The following MED12L variants were observed in gnomAD, a reference collection of about 807,000 sequenced individuals.
MED12L encodes mediator complex subunit 12L.
A neutral mutation model predicts 281.3 loss-of-function variants in MED12L; 60 were observed. The observed-to-expected ratio is 0.21, with a 90% CI of 0.17 to 0.26. The LOEUF is 0.26. Ranked by LOEUF, MED12L falls within the 10% of genes least tolerant of loss-of-function variation. The pLI is 1.00. For missense variants in MED12L, 2,146 were observed against 2,680.9 expected, an observed-to-expected ratio of 0.80 and a Z score of 4.41; for synonymous variants, 974 against 987.2, an observed-to-expected ratio of 0.99 and a Z score of 0.25.
intron 16 of MED12L, among the ~76,000 whole-genome samples, chr3:151,258,140 T>C (rs1446382825): frequency 6.6e-6 from 1 of 152,144 alleles, no homozygotes; most frequent in East Asian, 1.9e-4. Context: ...TGGGATTCAT[T>C]TTCTTCCACA....
At chr3:151,416,444 T>A (rs1439476409) in intron 43 of MED12L, 22 bp downstream of exon 43, 1 of 1,611,710 alleles carries the variant, frequency 6.2e-7, no homozygotes, top group Admixed American at 1.7e-5. Flanking sequence ...TGTTTTGGAA[T>A]CAGACATGTG....
intron 16 of MED12L, among the ~76,000 whole-genome samples, chr3:151,304,714 T>A (rs1560006493): frequency 1.3e-5 from 2 of 152,166 alleles, no homozygotes. Flanking sequence ...CTCTGTTGGT[T>A]TTAGCTTCTA....
intron 16 of MED12L, among the ~76,000 whole-genome samples, chr3:151,287,567 T>A (rs1247027813): frequency 3.3e-5 from 5 of 152,198 alleles, no homozygotes; most frequent in Admixed American, 1.3e-4. Flanking sequence ...ATTGCAGTCC[T>A]GGTGACAGCA....
At chr3:151,138,859 T>C (rs1305299951) in intron 5 of MED12L, among the ~76,000 whole-genome samples, 1 of 152,170 alleles carries the variant, frequency 6.6e-6, no homozygotes, top group Non-Finnish European at 1.5e-5. Context: ...CACACTTTAC[T>C]CTTTGGAAGG....
intron 11 of MED12L, among the ~76,000 whole-genome samples, chr3:151,167,727 C>T (rs1183724093): frequency 6.6e-6 from 1 of 152,170 alleles, no homozygotes; most frequent in Non-Finnish European, 1.5e-5. Context: ...TAATCCTCTG[C>T]TTACTGAGGC....
intron 11 of MED12L, among the ~76,000 whole-genome samples, chr3:151,167,175 C>T (rs1230745170): frequency 6.6e-6 from 1 of 152,178 alleles, no homozygotes; most frequent in African/African-American, 2.4e-5. Context: ...TTGATAATCA[C>T]AGATAATTTT....
At chr3:151,137,172 GA>G (rs776196596) in intron 5 of MED12L, among the ~76,000 whole-genome samples, 3,716 of 125,670 alleles carry the variant, frequency 0.03, 108 homozygotes, top group East Asian at 0.18. Flanking sequence ...AAAAAAAAAA[GA>G]AAAAAAAAAA....
At chr3:151,389,338 T>C (rs1713876056) in intron 37 of MED12L, among the ~76,000 whole-genome samples, 1 of 152,206 alleles carries the variant, frequency 6.6e-6, no homozygotes, top group Non-Finnish European at 1.5e-5. Flanking sequence ...CAATGAGATA[T>C]GCTCTTCAGT....
intron 16 of MED12L, among the ~76,000 whole-genome samples, chr3:151,281,753 G>GC (rs1179909511): frequency 2.0e-5 from 3 of 151,964 alleles, no homozygotes; most frequent in Admixed American, 2.0e-4. Context: ...ACCACCCCTA[G>GC]CCCACCCCAC....
In MED12L at chr3:151,106,471, G is replaced by A. The variant is rs186485246; in HGVS notation, c.100-9867G>A. On this transcript the variant is annotated intron_variant, in intron 2 of 44. Transcript: ENST00000687756. The stretch of plus-strand genomic sequence containing the variant: ...TTACAGGCATGAGCCACCATGCCCC[G>A]CCTGATGTCACCTTCTTGCTTAAAA... Among the ~76,000 whole-genome samples the A allele has an allele frequency of 4.7e-4, 72 of 151,788 alleles. No homozygotes were observed. In the East Asian group the frequency reaches 5.6e-3, roughly 12 times the overall value.
chr3:151,236,534 C>T (rs1261211356), intron 16 of MED12L, among the ~76,000 whole-genome samples: 1 of 152,158 alleles, frequency 6.6e-6, no homozygotes, highest in Non-Finnish European at 1.5e-5. Flanking sequence ...TAAGCAGCTG[C>T]TCTTGTCTAA....
At chr3:151,341,809 T>G (rs995984316) in intron 16 of MED12L, among the ~76,000 whole-genome samples, 4 of 149,696 alleles carry the variant, frequency 2.7e-5, no homozygotes, top group Admixed American at 6.7e-5. Flanking sequence ...TTCCCACCTA[T>G]GAGTGAGAAT....
intron 43 of MED12L, among the ~76,000 whole-genome samples, chr3:151,417,511 C>G (rs1250842496): frequency 1.3e-5 from 1 of 76,070 alleles, no homozygotes; most frequent in Non-Finnish European, 2.2e-5. Context: ...TTTTTTGAGA[C>G]GGAATCTCAC....
At chr3:151,324,891 G>T (rs1412749674) in intron 16 of MED12L, among the ~76,000 whole-genome samples, 4 of 152,180 alleles carry the variant, frequency 2.6e-5, no homozygotes, top group Admixed American at 1.3e-4. Flanking sequence ...TTCCTTAGTA[G>T]GGCTACTGTC....
At chr3:151,154,726 T>C (rs1247321494) in intron 5 of MED12L, among the ~76,000 whole-genome samples, 2 of 152,218 alleles carry the variant, frequency 1.3e-5, no homozygotes, top group African/African-American at 2.4e-5. Context: ...GCTAAACTTG[T>C]CTCATCTGAT....
chr3:151,388,219 T>A (rs1475907682), intron 37 of MED12L, 47 bp downstream of exon 37: 8 of 1,537,546 alleles, frequency 5.2e-6, no homozygotes, highest in Non-Finnish European at 7.0e-6. Context: ...GCATTTAGTA[T>A]GAGATTTACT....
At chr3:151,125,069 A>T (rs906433850) in intron 4 of MED12L, among the ~76,000 whole-genome samples, 3 of 152,222 alleles carry the variant, frequency 2.0e-5, no homozygotes, top group African/African-American at 7.2e-5. Context: ...CTGTAGCTTG[A>T]TTTAGAACCA....
intron 16 of MED12L, among the ~76,000 whole-genome samples, chr3:151,202,945 G>C (rs1725839985): frequency 6.6e-6 from 1 of 152,146 alleles, no homozygotes; most frequent in Non-Finnish European, 1.5e-5. Context: ...GAAAATTATA[G>C]TGTCATTCAC....
chr3:151,308,727 C>G (rs190962006), intron 16 of MED12L, among the ~76,000 whole-genome samples: 114 of 152,176 alleles, frequency 7.5e-4, no homozygotes, highest in Non-Finnish European at 1.3e-3. Flanking sequence ...GTGGCGTCAC[C>G]TTGATATTTT....
Sources: allele counts gnomAD v4.1 joint callset (sites outside exome capture counted in the v4.1 genomes callset), GRCh38; gene constraint gnomAD v4.1.1; transcripts MANE v1.5; gene names NCBI Gene and HGNC (gene_info 2026-07-23, HGNC 2026-07-21).